The following SOX6 variants were observed in gnomAD, a reference collection of about 807,000 sequenced individuals.
SOX6 encodes SRY-box transcription factor 6.
Under a neutral mutation model 97.8 loss-of-function variants are expected in SOX6, and 11 were observed. The observed-to-expected ratio is 0.11, with a 90% CI of 0.07 to 0.19. The LOEUF is 0.19. SOX6 is among the 10% of genes least tolerant of loss of function. The pLI is 1.00. For synonymous variants in SOX6, 360 were observed against 371.4 expected (o/e 0.97, Z 0.35); for missense variants, 810 against 1,039.5 (o/e 0.78, Z 3.04).
chr11:16,484,884 T>C (rs1860402825), intron 4 of SOX6, among the ~76,000 whole-genome samples: 1 of 152,174 alleles, frequency 6.6e-6, no homozygotes, highest in Admixed American at 6.5e-5. Flanking sequence ...AAAAAGCTTT[T>C]ATAAAGTTCA....
intron 4 of SOX6, among the ~76,000 whole-genome samples, chr11:16,562,346 T>C (rs1482627909): frequency 6.6e-6 from 1 of 152,092 alleles, no homozygotes; most frequent in Non-Finnish European, 1.5e-5. Context: ...TCGCGTTGTG[T>C]ATACCAGACT....
intron 1 of SOX6, among the ~76,000 whole-genome samples, chr11:16,475,731 G>A (rs1227993065): frequency 1.3e-5 from 2 of 152,168 alleles, no homozygotes; most frequent in Non-Finnish European, 2.9e-5. Context: ...GTGAGCACAT[G>A]CTGTTGGAAA....
chr11:16,409,264 C>T (rs1299654654), intron 1 of SOX6, among the ~76,000 whole-genome samples: 1 of 143,414 alleles, frequency 7.0e-6, no homozygotes, highest in East Asian at 2.0e-4. Context: ...CCTAACTTTC[C>T]TCTTGCAGTC....
At chr11:16,557,700 A>G (rs1022842438) in intron 4 of SOX6, among the ~76,000 whole-genome samples, 2 of 151,874 alleles carry the variant, frequency 1.3e-5, no homozygotes, top group African/African-American at 2.4e-5. Flanking sequence ...TATTAGCAAC[A>G]TTGTTATTCT....
chr11:16,675,973 A>G (rs1434661297), intron 3 of SOX6, among the ~76,000 whole-genome samples: 1 of 152,148 alleles, frequency 6.6e-6, no homozygotes, highest in Non-Finnish European at 1.5e-5. Context: ...GTCTTTTGTC[A>G]AATTTCGAAA....
chr11:16,060,916 T>A (rs921587776), intron 9 of SOX6, among the ~76,000 whole-genome samples: 1 of 151,882 alleles, frequency 6.6e-6, no homozygotes, highest in Non-Finnish European at 1.5e-5. Flanking sequence ...TATTTTTGAA[T>A]GCTTAGCACC....
chr11:16,103,657 GTA>G (rs966897485), intron 7 of SOX6, among the ~76,000 whole-genome samples: 3 of 150,362 alleles, frequency 2.0e-5, no homozygotes, highest in East Asian at 4.0e-4. Context: ...AGAAAATGTG[GTA>G]TATATATATA....
At chr11:15,980,762 G>A (rs1355408480) in intron 15 of SOX6, among the ~76,000 whole-genome samples, 1 of 151,930 alleles carries the variant, frequency 6.6e-6, no homozygotes, top group Non-Finnish European at 1.5e-5. Context: ...CCCATGCTTG[G>A]CCATAATGCA....
intron 6 of SOX6, among the ~76,000 whole-genome samples, chr11:16,131,719 C>G (rs977719162): frequency 6.6e-6 from 1 of 151,948 alleles, no homozygotes; most frequent in African/African-American, 2.4e-5. Context: ...TAAGTCTATT[C>G]TATGGAATAC....
At chr11:16,006,551 A>T (rs1006510598) in intron 13 of SOX6, among the ~76,000 whole-genome samples, 4 of 152,004 alleles carry the variant, frequency 2.6e-5, no homozygotes, top group African/African-American at 7.2e-5. Context: ...TGCTTAGATT[A>T]TTCCCTCAAA....
At chr11:16,536,432 T>C (rs896361811) in intron 4 of SOX6, among the ~76,000 whole-genome samples, 5 of 152,168 alleles carry the variant, frequency 3.3e-5, no homozygotes, top group African/African-American at 1.2e-4. Context: ...AAGTACCTGG[T>C]TCATCTCACT....
intron 10 of SOX6, among the ~76,000 whole-genome samples, chr11:16,053,844 A>G (rs1045574593): frequency 6.6e-6 from 1 of 152,162 alleles, no homozygotes; most frequent in Non-Finnish European, 1.5e-5. Context: ...AGATTTTGGT[A>G]ACCACAGTTC....
chr11:16,548,641 C>A (rs956875243), intron 4 of SOX6, among the ~76,000 whole-genome samples: 2 of 152,080 alleles, frequency 1.3e-5, no homozygotes, highest in Non-Finnish European at 2.9e-5. Flanking sequence ...AATTTTGGCT[C>A]TTTGAAAGAC....
chr11:16,710,580 T>A (rs1464175884), intron 3 of SOX6, among the ~76,000 whole-genome samples: 1 of 147,374 alleles, frequency 6.8e-6, no homozygotes, highest in Non-Finnish European at 1.5e-5. Context: ...TATTTCATCC[T>A]TATTAAGAGT....
At chr11:16,119,053 C>T (rs1284880331) in intron 6 of SOX6, among the ~76,000 whole-genome samples, 1 of 152,042 alleles carries the variant, frequency 6.6e-6, no homozygotes, top group African/African-American at 2.4e-5. Flanking sequence ...CAGTCAGAAA[C>T]AGGGGATGGG....
Position 16,561,014 on chromosome 11 carries a change from C to T in SOX6, n.609+51067G>A, listed in dbSNP as rs377036702. Among the ~76,000 whole-genome samples the T allele has an allele frequency of 2.6e-5, 4 of 152,128 alleles. No homozygotes were observed. The South Asian group carries it at 8.3e-4, about 32-fold the overall frequency. On this transcript the variant is annotated intron_variant and non_coding_transcript_variant, in intron 4 of 5. Coordinates refer to the SOX6 transcript ENST00000524520. ...GGAATAAAGGACTACACATTGGATA[C>T]AGGGTATACTACTTGGGTGATGGGT...
chr11:15,999,613 T>A (rs1390123148), intron 13 of SOX6, among the ~76,000 whole-genome samples: 1 of 152,062 alleles, frequency 6.6e-6, no homozygotes, highest in Admixed American at 6.5e-5. Context: ...TTTTGAAAGG[T>A]TCTTTTTTCT....
chr11:16,366,162 T>C (rs2134384961), intron 1 of SOX6, among the ~76,000 whole-genome samples: 2 of 152,240 alleles, frequency 1.3e-5, no homozygotes, highest in East Asian at 3.9e-4. Context: ...GTACTAGGCA[T>C]AGGGCCCAGG....
chr11:16,378,002 G>C (rs561889154), intron 1 of SOX6, among the ~76,000 whole-genome samples: 1 of 151,940 alleles, frequency 6.6e-6, no homozygotes, highest in South Asian at 2.1e-4. Flanking sequence ...AATTATCTTC[G>C]AACTAGCTAT....
Sources: allele counts gnomAD v4.1 joint callset (sites outside exome capture counted in the v4.1 genomes callset), GRCh38; gene constraint gnomAD v4.1.1; transcripts MANE v1.5; gene names NCBI Gene and HGNC (gene_info 2026-07-23, HGNC 2026-07-21).